The following SCN11A variants were observed in gnomAD, a reference collection of about 807,000 sequenced individuals.
SCN11A encodes the protein sodium channel protein type 11 subunit alpha.
A neutral mutation model predicts 162.2 loss-of-function variants in SCN11A; 122 were observed. That is an observed-to-expected ratio of 0.75 (90% confidence interval 0.65 to 0.87). The LOEUF (loss-of-function observed/expected upper bound fraction) is 0.87. SCN11A is among the 40% of genes least tolerant of loss of function. SCN11A has a pLI of 0.00. For missense variants in SCN11A, 2,015 were observed against 2,181.6 expected, an observed-to-expected ratio of 0.92 and a Z score of 1.52; for synonymous variants, 758 against 751.5, an observed-to-expected ratio of 1.01 and a Z score of -0.14.
At position 38,894,596 on chromosome 3, in the gene SCN11A, A is replaced by G. The variant is rs771942121; in HGVS notation, c.2772T>C (p.Asp924=). The change falls in exon 19 of 30, where the codon GAT becomes GAC. Residue 924 remains aspartate (D), a synonymous_variant. Transcript: ENST00000302328. ...TWLAPLAEEE[D]DVEFSGEDNA... ...TATCTTCACCAGAAAATTCAACGTC[A>G]TCTTCCTCCTCCGCAAGTGGTGCCA... The G allele has an allele frequency of 2.5e-6, 4 of 1,614,050 alleles. No homozygotes were observed. Among genetic ancestry groups the G allele is most frequent in the South Asian group, 2.2e-5 (2 of 91,064 alleles).
intron 19 of SCN11A, among the ~76,000 whole-genome samples, chr3:38,892,335 T>C (rs1357767512): frequency 6.6e-6 from 1 of 152,220 alleles, no homozygotes; most frequent in Non-Finnish European, 1.5e-5. Context: ...CACACAAGTA[T>C]GATAAAAAAT....
At chr3:38,977,940 C>G (rs757257148) in intron 2 of SCN11A, among the ~76,000 whole-genome samples, 18 of 152,164 alleles carry the variant, frequency 1.2e-4, no homozygotes, top group Non-Finnish European at 2.2e-4. Context: ...TCAGCCTCTC[C>G]CCACCAATAT....
At chr3:39,039,666 G>A (rs987672317) in intron 1 of SCN11A, among the ~76,000 whole-genome samples, 1 of 152,280 alleles carries the variant, frequency 6.6e-6, no homozygotes, top group Non-Finnish European at 1.5e-5. Flanking sequence ...TCAGGAGTGA[G>A]GAAGCCAATG....
Position 38,847,496 on chromosome 3 carries a change from T to C in SCN11A, c.4574A>G (p.Glu1525Gly). ...GMNWFSKVNP[E>G]SGIDDIFNFK... ...GTTGAATATGTCATCGATTCCAGAC[T>C]CTGGATTCACTTTGGAAAACCAGTT... is the stretch of plus-strand genomic sequence containing the variant. The change falls in exon 30 of 30, where the codon GAG becomes GGG. Residue 1525 changes from glutamate to glycine, a missense_variant. Transcript: ENST00000302328. The C allele has an allele frequency of 6.2e-7, 1 of 1,614,228 alleles. No individual in the cohort carries two copies. The highest frequency in any genetic ancestry group is 8.5e-7 in the Non-Finnish European group (1 of 1,180,032).
At chr3:38,962,665 T>C (rs1412835100) in intron 2 of SCN11A, among the ~76,000 whole-genome samples, 2 of 151,902 alleles carry the variant, frequency 1.3e-5, no homozygotes, top group Non-Finnish European at 2.9e-5. Context: ...TTGGCCAACA[T>C]GACAAAACCC....
chr3:38,945,469 C>G lies in SCN11A; in HGVS notation c.430G>C (p.Val144Leu), dbSNP rs763905978. The change falls in exon 7 of 30, where the codon GTG becomes CTG. Residue 144 changes from valine to leucine, a missense_variant. Transcript: ENST00000302328. ...TTAGCAGGCCCTGTAGCCATGAACA[C>G]GCAGTTGATGATAACGGTGCCGATA... ...FIIGTVIINC[V>L]FMATGPAKNS... is the part of the protein sequence containing the mutation. 1 of 1,597,162 alleles carries G rather than the reference C, an allele frequency of 6.3e-7. No individual in the cohort carries two copies. Among genetic ancestry groups the G allele is most frequent in the East Asian group, 2.3e-5 (1 of 44,422 alleles).
intron 2 of SCN11A, among the ~76,000 whole-genome samples, chr3:39,012,045 G>T (rs886231276): frequency 1.6e-4 from 25 of 152,168 alleles, no homozygotes; most frequent in Admixed American, 1.0e-3. Context: ...AAATTCTGGG[G>T]CCAGGAGCAG....
chr3:38,974,074 T>C (rs1175908927), intron 2 of SCN11A, among the ~76,000 whole-genome samples: 1 of 152,040 alleles, frequency 6.6e-6, no homozygotes, highest in East Asian at 1.9e-4. Context: ...GCCAAAGTAA[T>C]AGACAACACA....
At chr3:39,010,398 G>A (rs1466982082) in intron 2 of SCN11A, among the ~76,000 whole-genome samples, 1 of 113,066 alleles carries the variant, frequency 8.8e-6, no homozygotes. Flanking sequence ...TTTTTTTTTT[G>A]AGACAGAGTT....
chr3:38,860,086 T>C (rs999950736), intron 28 of SCN11A, among the ~76,000 whole-genome samples: 7 of 151,988 alleles, frequency 4.6e-5, no homozygotes, highest in African/African-American at 1.2e-4. Flanking sequence ...GAACAGAAGA[T>C]AGCAAGAAAA....
At chr3:38,984,164 A>C (rs1330814908) in intron 2 of SCN11A, among the ~76,000 whole-genome samples, 1 of 152,038 alleles carries the variant, frequency 6.6e-6, no homozygotes, top group Admixed American at 6.5e-5. Context: ...GGTCCTTTTC[A>C]CTCATAATCC....
chr3:39,013,636 T>C (rs2031208241), intron 2 of SCN11A, among the ~76,000 whole-genome samples: 1 of 152,246 alleles, frequency 6.6e-6, no homozygotes, highest in Admixed American at 6.5e-5. Context: ...CTAATCTTTC[T>C]GCCCATACTT....
At chr3:38,888,849 C>A (rs2126111401) in intron 19 of SCN11A, among the ~76,000 whole-genome samples, 1 of 152,282 alleles carries the variant, frequency 6.6e-6, no homozygotes, top group South Asian at 2.1e-4. Context: ...AGGCTCCACT[C>A]TAGACCAAGG....
intron 22 of SCN11A, among the ~76,000 whole-genome samples, chr3:38,881,158 T>A (rs1248143425): frequency 6.6e-6 from 1 of 152,242 alleles, no homozygotes. Context: ...AGATTTCAGC[T>A]TAGCTGATAT....
Position 38,909,148 on chromosome 3 carries a change from A to T in SCN11A, c.1148T>A (p.Val383Asp). 1 of 1,614,154 alleles carries T rather than the reference A, an allele frequency of 6.2e-7. No individual in the cohort carries two copies. Among genetic ancestry groups the T allele is most frequent in the South Asian group, 1.1e-5 (1 of 91,080 alleles). Residue 383 changes from valine to aspartate, a missense_variant, in exon 13 of 30, where the codon GTC becomes GAC. Transcript: ENST00000302328. ...CAGGTAGAAGGAGCCCAGGAAAATG[A>T]CCACAATGAAGAAGAAGACTGAGTA... ...GLYSVFFFIVVIFLGSFYLIN... is the reference protein window; with the variant it reads ...GLYSVFFFIVDIFLGSFYLIN...
At chr3:39,034,098 G>T (rs2031835811) in intron 1 of SCN11A, among the ~76,000 whole-genome samples, 1 of 152,110 alleles carries the variant, frequency 6.6e-6, no homozygotes. Flanking sequence ...GGAGGCGGAG[G>T]TTGCAGTGAG....
At chr3:38,940,775 T>C (rs1575319374) in intron 7 of SCN11A, among the ~76,000 whole-genome samples, 1 of 151,648 alleles carries the variant, frequency 6.6e-6, no homozygotes, top group East Asian at 1.9e-4. Context: ...TAACTATAAA[T>C]CAAAATCCAC....
intron 7 of SCN11A, among the ~76,000 whole-genome samples, chr3:38,927,418 C>T (rs1321099250): frequency 2.0e-5 from 3 of 152,024 alleles, no homozygotes; most frequent in South Asian, 4.1e-4. Flanking sequence ...CAATCCTTAT[C>T]AAACTCCCAA....
At chr3:38,871,070 T>C (rs1198046049) in intron 25 of SCN11A, among the ~76,000 whole-genome samples, 1 of 152,202 alleles carries the variant, frequency 6.6e-6, no homozygotes, top group Admixed American at 6.5e-5. Context: ...TCTGATGCCA[T>C]ATGTATTTGC....
Sources: gnomAD v4.1 joint callset for allele counts (sites outside exome capture counted in the v4.1 genomes callset) on GRCh38, gnomAD v4.1.1 for gene constraint, MANE v1.5 for transcripts, NCBI Gene and HGNC (gene_info 2026-07-23, HGNC 2026-07-21) for gene names.